Variants in CXCR4 observed in about 807,000 individuals in gnomAD.
CXCR4 encodes C-X-C chemokine receptor type 4.
In CXCR4, 6 loss-of-function variants were observed where a neutral mutation model predicts 22.4. The ratio of observed to expected loss-of-function variants is 0.27; its 90% confidence interval spans 0.15 to 0.53. CXCR4 has a LOEUF of 0.53. CXCR4 is among the 20% of genes least tolerant of loss of function. The pLI, the probability that CXCR4 is intolerant of heterozygous loss-of-function variation, is 0.96. For missense variants in CXCR4, 300 were observed against 430.4 expected, an observed-to-expected ratio of 0.70 and a Z score of 2.68; for synonymous variants, 155 against 171.7, an observed-to-expected ratio of 0.90 and a Z score of 0.76.
chr2:136,117,592 G>A (rs1684947250), intron 1 of CXCR4: 2 of 165,672 alleles, frequency 1.2e-5, no homozygotes, highest in South Asian at 2.4e-4. Context: ...ATCTCCTCCT[G>A]GGAACTCAGC....
At position 136,115,284 on chromosome 2, in the gene CXCR4, A is replaced by T; in HGVS notation, c.644T>A (p.Ile215Asn). 1 of 1,614,186 alleles carries T rather than the reference A, an allele frequency of 6.2e-7. No individual in the cohort carries two copies. The highest frequency in any genetic ancestry group is 8.5e-7 in the Non-Finnish European group (1 of 1,180,046). ...GATGATAATGCAATAGCAGGACAGG[A>T]TGACAATACCAGGCAGGATAAGGCC... The part of the protein sequence containing the change: ...MVGLILPGIV[I>N]LSCYCIIISK... The change falls in exon 2 of 2, where the codon ATC becomes AAC. Residue 215 changes from isoleucine (I) to asparagine (N), a missense_variant. Transcript: ENST00000241393. This position sits in a 1 kb window ranked among gnomAD's most constrained non-coding sequence, Gnocchi z 6.4.
Position 136,117,932 on chromosome 2 carries a change from T to C in CXCR4, c.15+114A>G. On this transcript the variant is annotated intron_variant, in intron 1 of 1. Coordinates refer to ENST00000241393, the MANE Select transcript of CXCR4 (RefSeq NM_003467.3). ...GAAAACTCCTTTCGGTGACCCTTTT[T>C]TGGAGTACGGGTACCTCCAATGTCC... 9 of 759,586 alleles carry C rather than the reference T, an allele frequency of 1.2e-5. No homozygotes were observed. In the Middle Eastern group the frequency reaches 2.5e-3, roughly 209 times the overall value. The allele number at this position is 759,586 out of a possible 1,614,324, so 47.1% of individuals were successfully genotyped here.
In CXCR4 at chr2:136,114,655, T is replaced by C. The variant is rs1684831911; in HGVS notation, c.*214A>G. 1 of 453,038 alleles carries C rather than the reference T, an allele frequency of 2.2e-6. No homozygotes were observed. 28.1% of individuals were successfully genotyped at this position (453,038 alleles called of 1,614,324 possible). On this transcript the variant is annotated 3_prime_UTR_variant, in exon 2 of 2. Transcript: ENST00000241393. ...CACGAGACATACAGCAACTAAGAAC[T>C]TGGCCACAGGTCCTGCCTAGACACA...
intron 1 of CXCR4, chr2:136,117,671 A>G: frequency 4.9e-6 from 1 of 205,064 alleles, no homozygotes; most frequent in East Asian, 1.4e-4. Flanking sequence ...CCGCTTCCCC[A>G]AGGAAGAGAC....
rs1558835885 is a variant in CXCR4 at position 136,114,756 on chromosome 2, A to AAATCCAAC, written c.*105_*112dup. 1.0e-6 allele frequency: 1 copy of AAATCCAAC among 978,094 alleles called. No individual in the cohort carries two copies. The highest frequency in any genetic ancestry group is 2.9e-5 in the Admixed American group (1 of 34,834). The allele number at this position is 978,094 out of a possible 1,614,324, so 60.6% of individuals were successfully genotyped here. On this transcript the variant is annotated 3_prime_UTR_variant, in exon 2 of 2. Transcript: ENST00000241393. ...CAAAAACTAAAGAAACACAAGACAA[A>AAATCCAAC]AATCCAACAAGCAATAAAAACTGTA...
At chr2:136,117,569 TA>T in intron 1 of CXCR4, 1 of 160,778 alleles carries the variant, frequency 6.2e-6, no homozygotes, top group South Asian at 1.3e-4. Flanking sequence ...ACCCCGAAGT[TA>T]AAGCGGGCGC....
chr2:136,115,347 A>G lies in CXCR4; in HGVS notation c.581T>C (p.Leu194Ser). ...CTGAAACTGGAACACAACCACCCAC[A>G]AGTCATTGGGGTAGAAGCGGTCACA... Reference protein sequence around the residue: ...YICDRFYPNDLWVVVFQFQHI... With the variant: ...YICDRFYPNDSWVVVFQFQHI... The change falls in exon 2 of 2, where the codon TTG becomes TCG. Residue 194 changes from leucine (L) to serine (S), a missense_variant. Leu to Ser is a moderately radical substitution (Grantham distance 145). Transcript: ENST00000241393. This position sits in a 1 kb window ranked among gnomAD's most constrained non-coding sequence, Gnocchi z 6.4. The G allele has an allele frequency of 6.2e-7, 1 of 1,614,200 alleles. No homozygotes were observed. The highest frequency in any genetic ancestry group is 8.5e-7 in the Non-Finnish European group (1 of 1,180,034).
intron 1 of CXCR4, among the ~76,000 whole-genome samples, chr2:136,117,021 AC>A (rs1298790068): frequency 6.6e-6 from 1 of 152,226 alleles, no homozygotes; most frequent in Non-Finnish European, 1.5e-5. Context: ...GCTGCAGGAA[AC>A]CAAAAACTCC....
intron 1 of CXCR4, among the ~76,000 whole-genome samples, 154 bp downstream of exon 1, chr2:136,117,892 T>C (rs2104922136): frequency 1.3e-5 from 1 of 74,456 alleles, no homozygotes; most frequent in South Asian, 4.5e-4. Context: ...ACCCGCACTA[T>C]ATAGGCATGG....
Position 136,115,641 on chromosome 2 carries a change from A to G in CXCR4, c.287T>C (p.Val96Ala), listed in dbSNP as rs1397762931. 6 of 1,614,206 alleles carry G rather than the reference A, an allele frequency of 3.7e-6. No homozygotes were observed. Among genetic ancestry groups the G allele is most frequent in the Middle Eastern group, 1.6e-4 (1 of 6,062 alleles). The change falls in exon 2 of 2, where the codon GTT becomes GCT. Residue 96 changes from valine to alanine, a missense_variant. Physicochemically the swap from Val to Ala is moderately conservative, Grantham distance 64 (BLOSUM62 0). Transcript: ENST00000241393. This position sits in a 1 kb window ranked among gnomAD's most constrained non-coding sequence, Gnocchi z 6.4. ...AAAGTACCAGTTTGCCACGGCATCA[A>G]CTGCCCAGAAGGGAAGCGTGATGAC... ...LFVITLPFWA[V>A]DAVANWYFGN...
chr2:136,114,517 C>T lies in CXCR4; in HGVS notation c.*352G>A, dbSNP rs765993975. 3.2e-5 allele frequency: 8 copies of T among 251,864 alleles called. No individual in the cohort carries two copies. The South Asian group carries it at 5.0e-4, about 16-fold the overall frequency. 15.6% of individuals were successfully genotyped at this position (251,864 alleles called of 1,614,324 possible). A position where few individuals can be genotyped will look rare whatever the true frequency, so the allele number is the denominator to read the frequency against. ...AATCACGTCTTAAGAACAGGAAAAA[C>T]GTTCCACGGGAATGGAGAGATTATC... is the stretch of plus-strand genomic sequence containing the variant. On this transcript the variant is annotated 3_prime_UTR_variant, in exon 2 of 2. Coordinates refer to ENST00000241393, the MANE Select transcript of CXCR4 (RefSeq NM_003467.3).
intron 1 of CXCR4, chr2:136,117,584 C>T (rs145857665): frequency 1.1e-3 from 176 of 161,328 alleles, no homozygotes; most frequent in Non-Finnish European, 1.6e-3. Flanking sequence ...CGGGCGCAAT[C>T]TCCTCCTGGG....
rs1684837142 is a variant in CXCR4, at chr2:136,114,856, T to C, written c.*13A>G. ...GTTATTTATCGTATAAAAAAAAGTC[T>C]TTTACATCTGTGTTAGCTGGAGTGA... is the stretch of plus-strand genomic sequence containing the variant. On this transcript the variant is annotated 3_prime_UTR_variant, in exon 2 of 2. Coordinates refer to ENST00000241393, the MANE Select transcript of CXCR4 (RefSeq NM_003467.3). 1 of 1,586,904 alleles carries C rather than the reference T, an allele frequency of 6.3e-7. No individual in the cohort carries two copies. The highest frequency in any genetic ancestry group is 8.6e-7 in the Non-Finnish European group (1 of 1,164,350).
intron 1 of CXCR4, among the ~76,000 whole-genome samples, chr2:136,117,111 G>C (rs1684918655): frequency 6.6e-6 from 1 of 152,220 alleles, no homozygotes; most frequent in Admixed American, 6.5e-5. Flanking sequence ...GAGCCAAACG[G>C]TTTCCCCACT....
rs1216546550 is a variant in CXCR4 at position 136,114,407 on chromosome 2, GA to G, written c.*461del. On this transcript the variant is annotated 3_prime_UTR_variant, in exon 2 of 2. Transcript: ENST00000241393. ...TACAAGACTGTACACTGTAGGTGCT[GA>G]AATCAACCCACTCCTGAAAACTGAA... The G allele has an allele frequency of 4.3e-6, 1 of 232,406 alleles. No individual in the cohort carries two copies. The highest frequency in any genetic ancestry group is 8.6e-6 in the Non-Finnish European group (1 of 116,770). The allele number at this position is 232,406 out of a possible 1,614,324, so 14.4% of individuals were successfully genotyped here. A position where few individuals can be genotyped will look rare whatever the true frequency, so the allele number is the denominator to read the frequency against.
Position 136,118,112 on chromosome 2 carries a change from G to A in CXCR4, c.-52C>T. 2 of 1,602,048 alleles carry A rather than the reference G, an allele frequency of 1.2e-6. No individual in the cohort carries two copies. The highest frequency in any genetic ancestry group is 1.7e-6 in the Non-Finnish European group (2 of 1,170,548). ...TGGCTACTGGAGCACTCAGGCCCTC[G>A]GCGTCACTTTGCTACCTGCTGCCGC... On this transcript the variant is annotated 5_prime_UTR_variant, in exon 1 of 2. Coordinates refer to ENST00000241393, the MANE Select transcript of CXCR4 (RefSeq NM_003467.3).
intron 1 of CXCR4, chr2:136,117,640 G>A (rs1573616764): frequency 5.6e-6 from 1 of 179,264 alleles, no homozygotes; most frequent in Non-Finnish European, 1.2e-5. Flanking sequence ...TTCAGACAAT[G>A]TAACTCGCTC....
At position 136,114,918 on chromosome 2, in the gene CXCR4, T is replaced by C. The variant is rs752167988; in HGVS notation, c.1010A>G (p.His337Arg). 1 of 1,612,214 alleles carries C rather than the reference T, an allele frequency of 6.2e-7. No homozygotes were observed. The highest frequency in any genetic ancestry group is 1.1e-5 in the South Asian group (1 of 90,752). Residue 337 changes from histidine (H) to arginine (R), a missense_variant, in exon 2 of 2, where the codon CAT (histidine) becomes CGT (arginine). Transcript: ENST00000241393. ...CTCAGACTCAGTGGAAACAGATGAA[T>C]GTCCACCTCGCTTTCCTTTGGAGAG... ...KILSKGKRGGHSSVSTESESS... is the reference protein window; with the variant it reads ...KILSKGKRGGRSSVSTESESS...
At chr2:136,117,944 T>C in intron 1 of CXCR4, 102 bp downstream of exon 1, 1 of 922,150 alleles carries the variant, frequency 1.1e-6, no homozygotes, top group Non-Finnish European at 1.6e-6. Context: ...GGAGTACGGG[T>C]ACCTCCAATG....
Sources: allele counts gnomAD v4.1 joint callset (sites outside exome capture counted in the v4.1 genomes callset), GRCh38; gene constraint gnomAD v4.1.1; non-coding constraint Gnocchi (gnomAD v3.1); transcripts MANE v1.5; gene names NCBI Gene and HGNC (gene_info 2026-07-23, HGNC 2026-07-21).